Variants in NT5DC3 observed in about 807,000 individuals in gnomAD.
NT5DC3 encodes 5'-nucleotidase domain-containing protein 3.
In NT5DC3, 42 loss-of-function variants were observed where a neutral mutation model predicts 67.8. The observed-to-expected ratio is 0.62, with a 90% confidence interval of 0.48 to 0.80. The LOEUF (loss-of-function observed/expected upper bound fraction) is 0.80, where lower values mean the gene tolerates loss of function less well. Among genes scored for constraint, NT5DC3 ranks in the 30% least tolerant of loss-of-function variants. The pLI is 0.00. For synonymous variants in NT5DC3, 237 were observed against 255.6 expected, an observed-to-expected ratio of 0.93 and a Z score of 0.69; for missense variants, 570 against 696.4, an observed-to-expected ratio of 0.82 and a Z score of 2.04.
At chr12:103,749,306 T>A in the NT5DC3 span, 1 of 902,566 alleles carries the variant, frequency 1.1e-6, no homozygotes, top group Non-Finnish European at 1.6e-6. Flanking sequence ...GTCATTGGGC[T>A]AAATGCAAGG....
Position 103,788,903 on chromosome 12 carries a change from T to G in NT5DC3, c.1036A>C (p.Asn346His), listed in dbSNP as rs1173637368. The G allele has an allele frequency of 6.2e-7, 1 of 1,612,568 alleles. No homozygotes were observed. Among genetic ancestry groups the G allele is most frequent in the Admixed American group, 1.7e-5 (1 of 60,032 alleles). ...TCCCAGAGTAAGACACCTTTCTCATTCATCTTTCGGAAAGGCCTAACAACA... is the reference window on the plus strand; with the variant it reads ...TCCCAGAGTAAGACACCTTTCTCATGCATCTTTCGGAAAGGCCTAACAACA... ...NDKRRPFRKM[N>H]EKGVLLWDKI... Residue 346 changes from asparagine to histidine, a missense_variant, in exon 10 of 14, where the codon AAT becomes CAT. Transcript: ENST00000392876.
chr12:103,820,144 TGTCA>T (rs1248372368), intron 1 of NT5DC3, among the ~76,000 whole-genome samples: 2 of 152,242 alleles, frequency 1.3e-5, no homozygotes, highest in African/African-American at 4.8e-5. Flanking sequence ...TTTATCCATT[TGTCA>T]ATCAACAGGC....
At chr12:103,781,143 G>A (rs1426740875) in intron 12 of NT5DC3, among the ~76,000 whole-genome samples, 6 of 152,138 alleles carry the variant, frequency 3.9e-5, no homozygotes, top group Non-Finnish European at 5.9e-5. Flanking sequence ...GGTTCTTATG[G>A]CTAAACAGAA....
In NT5DC3 at chr12:103,804,739, C is replaced by T. The variant is rs375775878; in HGVS notation, c.524+1583G>A. 8.5e-5 allele frequency among the ~76,000 whole-genome samples: 13 copies of T among 152,256 alleles called. No individual in the cohort carries two copies. In the East Asian group the frequency reaches 2.1e-3, roughly 25 times the overall value. On this transcript the variant is annotated intron_variant, in intron 4 of 13. Transcript: ENST00000392876. ...AATATTGTACAAGAAAGAAAATAAT[C>T]GCACGGCACTACCTGGCTTAAGAGT...
At chr12:103,816,241 C>G (rs184291108) in intron 1 of NT5DC3, among the ~76,000 whole-genome samples, 1 of 152,268 alleles carries the variant, frequency 6.6e-6, no homozygotes, top group East Asian at 1.9e-4. Context: ...TGCATTATAC[C>G]TACCAATCGT....
chr12:103,750,412 G>A, the NT5DC3 span, among the ~76,000 whole-genome samples: 1 of 152,220 alleles, frequency 6.6e-6, no homozygotes, highest in South Asian at 2.1e-4. Flanking sequence ...TTCATCATAA[G>A]CCTGCATAAA....
chr12:103,763,598 AC>A, the NT5DC3 span: 39 of 1,613,182 alleles, frequency 2.4e-5, no homozygotes, highest in East Asian at 4.5e-5. Context: ...CCTTCCTACG[AC>A]CCCTTCACGG....
chr12:103,757,466 C>T, the NT5DC3 span, among the ~76,000 whole-genome samples: 9 of 152,328 alleles, frequency 5.9e-5, 1 homozygote, highest in East Asian at 1.9e-4. Flanking sequence ...ATGGAACAAA[C>T]ACGTCAATAG....
chr12:103,786,260 T>C (rs1309775780), intron 11 of NT5DC3, among the ~76,000 whole-genome samples: 3 of 152,130 alleles, frequency 2.0e-5, no homozygotes, highest in African/African-American at 7.2e-5. Context: ...GAGGTTTCCA[T>C]TTTATACAGG....
chr12:103,803,054 G>C (rs1886651230), intron 4 of NT5DC3, among the ~76,000 whole-genome samples: 1 of 152,064 alleles, frequency 6.6e-6, no homozygotes, highest in Non-Finnish European at 1.5e-5. Flanking sequence ...TATGGAGGGG[G>C]CCAACAGCAG....
chr12:103,832,529 T>TC (rs1887977337), intron 1 of NT5DC3, among the ~76,000 whole-genome samples: 1 of 152,200 alleles, frequency 6.6e-6, no homozygotes, highest in African/African-American at 2.4e-5. Context: ...TTGTATTTTT[T>TC]CTCCTTTCAC....
intron 1 of NT5DC3, among the ~76,000 whole-genome samples, chr12:103,834,985 T>C (rs1888084212): frequency 6.6e-6 from 1 of 152,176 alleles, no homozygotes; most frequent in Non-Finnish European, 1.5e-5. Flanking sequence ...AGCTCAAGGG[T>C]CAGCCTCAGA....
chr12:103,767,882 A>G (rs1239281189), downstream of NT5DC3, among the ~76,000 whole-genome samples: 2 of 151,806 alleles, frequency 1.3e-5, no homozygotes, highest in Non-Finnish European at 2.9e-5. Context: ...GGAGTTCGAG[A>G]CCAGCCTGAC....
chr12:103,823,908 C>T (rs1887587137), intron 1 of NT5DC3, among the ~76,000 whole-genome samples: 1 of 152,232 alleles, frequency 6.6e-6, no homozygotes, highest in Non-Finnish European at 1.5e-5. Context: ...CACCCTAATT[C>T]AGGTGTTTTA....
the NT5DC3 span, chr12:103,755,325 AG>A: frequency 5.0e-6 from 8 of 1,613,996 alleles, no homozygotes; most frequent in Non-Finnish European, 6.8e-6. Flanking sequence ...TGTGCTCAGC[AG>A]GCTGGCTGGA....
intron 4 of NT5DC3, among the ~76,000 whole-genome samples, chr12:103,801,372 C>CCTT (rs1886567309): frequency 2.5e-5 from 2 of 78,946 alleles, no homozygotes; most frequent in African/African-American, 1.1e-4. Flanking sequence ...TTGGGGTGGG[C>CCTT]TTTTTTTTTT....
In NT5DC3 at chr12:103,780,711, C is replaced by T. The variant is rs905877313; in HGVS notation, c.1330-347G>A. ...TGATATATCCATTATGCACATGATA[C>T]ATCCATTACACATATATTATATACA... is the stretch of plus-strand genomic sequence containing the variant. On this transcript the variant is annotated intron_variant, in intron 12 of 13. Coordinates refer to ENST00000392876, the MANE Select transcript of NT5DC3 (RefSeq NM_001031701.3). Among the ~76,000 whole-genome samples, 8 of 152,276 alleles carry T rather than the reference C, an allele frequency of 5.3e-5. No homozygotes were observed. The South Asian group carries it at 6.2e-4, about 12-fold the overall frequency.
At chr12:103,805,228 T>C (rs193294228) in intron 4 of NT5DC3, among the ~76,000 whole-genome samples, 138 of 152,004 alleles carry the variant, frequency 9.1e-4, no homozygotes, top group Admixed American at 2.0e-3. Context: ...AGGGACAATA[T>C]CCAGAATTAA....
intron 1 of NT5DC3, among the ~76,000 whole-genome samples, chr12:103,830,009 G>A (rs1019351881): frequency 6.6e-6 from 1 of 152,162 alleles, no homozygotes; most frequent in African/African-American, 2.4e-5. Flanking sequence ...TGCTATCACT[G>A]TTCAAAACTC....
Sources: gnomAD v4.1 joint callset for allele counts (sites outside exome capture counted in the v4.1 genomes callset) on GRCh38, gnomAD v4.1.1 for gene constraint, MANE v1.5 for transcripts, NCBI Gene and HGNC (gene_info 2026-07-23, HGNC 2026-07-21) for gene names.